The following MRPL30 variants were observed in gnomAD, a reference collection of about 807,000 sequenced individuals.
The protein encoded by MRPL30 is mitochondrial ribosomal protein L30.
Under a neutral mutation model 17.2 loss-of-function variants are expected in MRPL30, and 10 were observed. The ratio of observed to expected loss-of-function variants is 0.58; its 90% confidence interval spans 0.36 to 0.99. The LOEUF (loss-of-function observed/expected upper bound fraction) is 0.99, where lower values mean the gene tolerates loss of function less well. Ranked by LOEUF, MRPL30 falls within the 50% of genes least tolerant of loss-of-function variation. The pLI, the probability that MRPL30 is intolerant of heterozygous loss-of-function variation, is 0.01. For synonymous variants in MRPL30, 61 were observed against 62.1 expected (o/e 0.98, Z 0.08); for missense variants, 170 against 189.8 (o/e 0.90, Z 0.61).
chr2:99,193,490 A>G (rs2093950353), intron 3 of MRPL30, among the ~76,000 whole-genome samples: 1 of 152,114 alleles, frequency 6.6e-6, no homozygotes, highest in Non-Finnish European at 1.5e-5. Context: ...CTCTTGATCT[A>G]ATGTCTTTGA....
chr2:99,190,376 A>G (rs144876332), intron 3 of MRPL30, among the ~76,000 whole-genome samples: 2,324 of 152,172 alleles, frequency 0.015, 67 homozygotes, highest in African/African-American at 0.053. Flanking sequence ...CCTGGGCAAC[A>G]TAGTGAGACT....
At chr2:99,186,399 C>T (rs1167801990) in intron 2 of MRPL30, 145 bp downstream of exon 2, 1 of 678,490 alleles carries the variant, frequency 1.5e-6, no homozygotes, top group Admixed American at 2.8e-5. Context: ...GTGGCACAAT[C>T]TGGGCTCACT....
rs191702480 is a variant in MRPL30 at position 99,194,741 on chromosome 2, T to G, written c.133-10T>G. 43 of 1,567,016 alleles carry G rather than the reference T, an allele frequency of 2.7e-5. No homozygotes were observed. The Admixed American group carries it at 9.1e-4, about 33-fold the overall frequency. On this transcript the variant is annotated splice_polypyrimidine_tract_variant and intron_variant, in intron 3 of 5. Coordinates refer to ENST00000338148, the MANE Select transcript of MRPL30 (RefSeq NM_145212.4). The stretch of plus-strand genomic sequence containing the variant: ...TGGAAATTTACCATTTATAATTCTT[T>G]CCTTTCTAGGTGTTTCAGGCCTCAC...
At chr2:99,183,147 C>T (rs2093928393) in intron 1 of MRPL30, among the ~76,000 whole-genome samples, 1 of 143,144 alleles carries the variant, frequency 7.0e-6, no homozygotes, top group South Asian at 2.4e-4. Context: ...AGCATGCCTG[C>T]TTGACTAGTT....
At chr2:99,191,155 T>C (rs1009605323) in intron 3 of MRPL30, among the ~76,000 whole-genome samples, 8 of 152,030 alleles carry the variant, frequency 5.3e-5, no homozygotes, top group Non-Finnish European at 1.0e-4. Flanking sequence ...TACAGGCATG[T>C]GCCACCACAC....
chr2:99,182,622 A>G (rs759625336), intron 1 of MRPL30, among the ~76,000 whole-genome samples: 7 of 152,242 alleles, frequency 4.6e-5, no homozygotes, highest in Non-Finnish European at 7.3e-5. Context: ...CCTAGCTCCA[A>G]TTACTGGGAA....
Position 99,181,200 on chromosome 2 carries a change from T to C in MRPL30, c.-77T>C. ...TAGCACTTGGTAGTTCTTCCTCTGC[T>C]CTGCTTCCCTTCGGAGGAAAATTTC... On this transcript the variant is annotated 5_prime_UTR_variant, in exon 1 of 6. Transcript: ENST00000338148. The C allele has an allele frequency of 1.8e-6, 1 of 566,730 alleles. No individual in the cohort carries two copies. The highest frequency in any genetic ancestry group is 3.4e-5 in the East Asian group (1 of 29,532). The allele number at this position is 566,730 out of a possible 1,614,324, so 35.1% of individuals were successfully genotyped here. A position where few individuals can be genotyped will look rare whatever the true frequency, so the allele number is the denominator to read the frequency against.
chr2:99,182,870 A>G (rs957659105), intron 1 of MRPL30, among the ~76,000 whole-genome samples: 3 of 152,238 alleles, frequency 2.0e-5, no homozygotes, highest in Non-Finnish European at 2.9e-5. Context: ...CCCTTTTCCT[A>G]TGGAATTAGC....
chr2:99,182,649 A>C (rs2093926750), intron 1 of MRPL30, among the ~76,000 whole-genome samples: 1 of 152,268 alleles, frequency 6.6e-6, no homozygotes, highest in Non-Finnish European at 1.5e-5. Context: ...GGATTGCTTG[A>C]GGCTGAGTTC....
intron 3 of MRPL30, among the ~76,000 whole-genome samples, chr2:99,189,466 C>G (rs926594799): frequency 1.3e-5 from 2 of 152,184 alleles, no homozygotes; most frequent in African/African-American, 4.8e-5. Context: ...CTTTTTGTGG[C>G]TTGCTTGCTT....
intron 1 of MRPL30, among the ~76,000 whole-genome samples, chr2:99,182,227 G>A (rs1453666326): frequency 1.3e-5 from 2 of 152,144 alleles, no homozygotes; most frequent in South Asian, 2.1e-4. Flanking sequence ...CAGGAGTTAC[G>A]TGCCTAATTA....
At chr2:99,192,388 A>C (rs145622008) in intron 3 of MRPL30, among the ~76,000 whole-genome samples, 1 of 152,138 alleles carries the variant, frequency 6.6e-6, no homozygotes, top group Non-Finnish European at 1.5e-5. Flanking sequence ...TTTAAGCCCT[A>C]CATGCATTAG....
intron 2 of MRPL30, chr2:99,186,955 T>G (rs2093935043): frequency 6.6e-6 from 1 of 152,286 alleles, no homozygotes; most frequent in African/African-American, 2.4e-5. Context: ...CTGCCTAATC[T>G]GCTCATAAGG....
chr2:99,188,076 T>C (rs1337295223), intron 2 of MRPL30, 101 bp from the exon 3 acceptor site: 4 of 768,454 alleles, frequency 5.2e-6, no homozygotes, highest in East Asian at 2.7e-5. Context: ...TTAATAATTA[T>C]AGGGTAGGTT....
chr2:99,193,900 C>T (rs905663856), intron 3 of MRPL30, among the ~76,000 whole-genome samples: 2 of 151,846 alleles, frequency 1.3e-5, no homozygotes, highest in South Asian at 2.1e-4. Flanking sequence ...TAGCTGGGCA[C>T]GGTGGTGTGC....
intron 4 of MRPL30, 22 bp downstream of exon 4, chr2:99,194,919 C>CT: frequency 6.5e-7 from 1 of 1,539,186 alleles, no homozygotes; most frequent in Non-Finnish European, 8.8e-7. Flanking sequence ...TTTTAATCAT[C>CT]TTTAGTGTTG....
intron 1 of MRPL30, among the ~76,000 whole-genome samples, chr2:99,183,014 A>G (rs1296067013): frequency 6.6e-6 from 1 of 152,212 alleles, no homozygotes; most frequent in Non-Finnish European, 1.5e-5. Context: ...AAAATGTTAA[A>G]TGATGTGATC....
chr2:99,188,956 C>T (rs1210057524), intron 3 of MRPL30, among the ~76,000 whole-genome samples: 1 of 152,226 alleles, frequency 6.6e-6, no homozygotes, highest in Non-Finnish European at 1.5e-5. Context: ...CCGCCTTGGC[C>T]TCCCAAAGTG....
At position 99,197,683 on chromosome 2, in the gene MRPL30, C is replaced by G. The variant is rs1559193112; in HGVS notation, c.*1978C>G. 6.6e-6 allele frequency: 1 copy of G among 152,302 alleles called. No homozygotes were observed. Among genetic ancestry groups the G allele is most frequent in the Non-Finnish European group, 1.5e-5 (1 of 68,158 alleles). 9.4% of individuals were successfully genotyped at this position (152,302 alleles called of 1,614,324 possible). On this transcript the variant is annotated 3_prime_UTR_variant, in exon 6 of 6. Transcript: ENST00000338148. Reference sequence around the variant, plus strand: ...AGAGACAGGGTCTCACTCTGTCGCCCAGCCTGGAGGGCAGTGGTGTGATCG... The same window carrying G: ...AGAGACAGGGTCTCACTCTGTCGCCGAGCCTGGAGGGCAGTGGTGTGATCG...
Sources: allele counts gnomAD v4.1 joint callset (sites outside exome capture counted in the v4.1 genomes callset), GRCh38; gene constraint gnomAD v4.1.1; transcripts MANE v1.5; gene names NCBI Gene and HGNC (gene_info 2026-07-23, HGNC 2026-07-21).